Variants in NELL1 observed in about 807,000 individuals in gnomAD.
NELL1 encodes the protein neural EGFL like 1, also known as protein kinase C-binding protein NELL1.
A neutral mutation model predicts 107.4 loss-of-function variants in NELL1; 76 were observed. That is an observed-to-expected ratio of 0.71 (90% CI 0.59 to 0.86). The LOEUF is 0.86. NELL1 is among the 40% of genes least tolerant of loss of function. The probability of loss-of-function intolerance (pLI) is 0.00; values close to 1 mark genes in which losing one functional copy is unlikely to be tolerated. For missense variants in NELL1, 1,024 were observed against 1,005.5 expected (o/e 1.02, Z -0.25); for synonymous variants, 353 against 341.2 (o/e 1.03, Z -0.38).
chr11:20,675,500 G>T (rs1417571183), intron 1 of NELL1, among the ~76,000 whole-genome samples: 4 of 152,172 alleles, frequency 2.6e-5, no homozygotes, highest in Admixed American at 1.3e-4. Context: ...CCTGCCATCT[G>T]TCCAGGCCTG....
chr11:21,222,548 A>G (rs1328884268), intron 13 of NELL1, among the ~76,000 whole-genome samples: 2 of 151,682 alleles, frequency 1.3e-5, no homozygotes, highest in Non-Finnish European at 2.9e-5. Flanking sequence ...TCTGATCTTT[A>G]TTATTTCTTT....
chr11:20,691,926 G>C (rs995717842), intron 2 of NELL1, among the ~76,000 whole-genome samples: 2 of 152,044 alleles, frequency 1.3e-5, no homozygotes, highest in Non-Finnish European at 2.9e-5. Context: ...GACTCTTTTT[G>C]GTTGGTAAGG....
intron 15 of NELL1, among the ~76,000 whole-genome samples, chr11:21,394,125 A>G (rs986681697): frequency 2.0e-5 from 3 of 151,642 alleles, no homozygotes; most frequent in Non-Finnish European, 1.5e-5. Context: ...AGTACTTCAC[A>G]TAAGTTAACT....
chr11:20,680,604 A>C (rs1359245224), intron 2 of NELL1, among the ~76,000 whole-genome samples: 3 of 152,168 alleles, frequency 2.0e-5, no homozygotes, highest in Admixed American at 2.0e-4. Context: ...AATGGAAAGA[A>C]GAAAGGAGTC....
At chr11:20,984,791 G>A (rs1851818996) in intron 12 of NELL1, among the ~76,000 whole-genome samples, 1 of 151,960 alleles carries the variant, frequency 6.6e-6, no homozygotes. Context: ...GCAGAGAGAA[G>A]GGAGTAATTG....
chr11:21,519,713 C>T (rs986147325), intron 15 of NELL1, among the ~76,000 whole-genome samples: 28 of 152,006 alleles, frequency 1.8e-4, no homozygotes, highest in African/African-American at 4.8e-4. Flanking sequence ...AATGTACAGC[C>T]GCTACCACTC....
intron 13 of NELL1, among the ~76,000 whole-genome samples, chr11:21,184,603 C>A (rs534492687): frequency 6.6e-6 from 1 of 151,686 alleles, no homozygotes; most frequent in Non-Finnish European, 1.5e-5. Flanking sequence ...ATGTGTCAGT[C>A]GAAAACAGAC....
intron 12 of NELL1, among the ~76,000 whole-genome samples, chr11:21,042,204 A>T (rs1853252490): frequency 6.6e-6 from 1 of 152,238 alleles, no homozygotes; most frequent in Non-Finnish European, 1.5e-5. Context: ...GCATGGCAGT[A>T]TTCAGTTATA....
chr11:21,166,359 T>C (rs1263805697), intron 13 of NELL1, among the ~76,000 whole-genome samples: 1 of 150,876 alleles, frequency 6.6e-6, no homozygotes, highest in Non-Finnish European at 1.5e-5. Flanking sequence ...AAAAAATAAT[T>C]TACATTTACA....
intron 12 of NELL1, among the ~76,000 whole-genome samples, chr11:21,077,593 A>G (rs1295095260): frequency 6.6e-6 from 1 of 151,912 alleles, no homozygotes; most frequent in Non-Finnish European, 1.5e-5. Flanking sequence ...AAATACAAAA[A>G]TTACCCTGGC....
At chr11:20,769,099 A>C (rs1856591957) in intron 2 of NELL1, 1 of 152,422 alleles carries the variant, frequency 6.6e-6, no homozygotes, top group East Asian at 1.9e-4. Context: ...AAATGAGGAG[A>C]GGGGACAGGA....
chr11:21,401,998 G>A (rs1852107986), intron 15 of NELL1, among the ~76,000 whole-genome samples: 1 of 151,720 alleles, frequency 6.6e-6, no homozygotes, highest in African/African-American at 2.4e-5. Context: ...ATTAAAAACA[G>A]GAAAAGCCGC....
intron 2 of NELL1, among the ~76,000 whole-genome samples, chr11:20,752,310 G>T (rs1024139502): frequency 3.7e-4 from 56 of 152,274 alleles, no homozygotes; most frequent in South Asian, 1.0e-3. Flanking sequence ...AGCAGTTTGG[G>T]AGGCCGAGGC....
At chr11:21,533,905 G>T (rs1211713513) in intron 15 of NELL1, among the ~76,000 whole-genome samples, 1 of 152,094 alleles carries the variant, frequency 6.6e-6, no homozygotes, top group Non-Finnish European at 1.5e-5. Context: ...ATATAATTAT[G>T]ACAAGTCTCT....
chr11:21,125,819 A>T (rs1409974589), intron 13 of NELL1, among the ~76,000 whole-genome samples: 2 of 152,226 alleles, frequency 1.3e-5, no homozygotes, highest in African/African-American at 4.8e-5. Context: ...TGTGAACTGG[A>T]GGTTACCTGT....
At chr11:21,501,154 T>C (rs1290559489) in intron 15 of NELL1, among the ~76,000 whole-genome samples, 2 of 152,178 alleles carry the variant, frequency 1.3e-5, no homozygotes, top group Non-Finnish European at 2.9e-5. Context: ...TGTCTGTATG[T>C]GTGTATGCGC....
chr11:21,365,785 C>G (rs1851205359), intron 14 of NELL1, among the ~76,000 whole-genome samples: 2 of 150,164 alleles, frequency 1.3e-5, no homozygotes, highest in Non-Finnish European at 3.0e-5. Flanking sequence ...CTTATCTTTC[C>G]TCGATATTTT....
At chr11:21,370,109 T>C (rs185717503) in intron 14 of NELL1, among the ~76,000 whole-genome samples, 1 of 152,174 alleles carries the variant, frequency 6.6e-6, no homozygotes, top group African/African-American at 2.4e-5. Flanking sequence ...AGCTATTTTA[T>C]GCTATGCAAG....
chr11:21,475,407 A>G (rs1854303330), intron 15 of NELL1, among the ~76,000 whole-genome samples: 1 of 152,112 alleles, frequency 6.6e-6, no homozygotes, highest in Non-Finnish European at 1.5e-5. Flanking sequence ...CTCCTATAGG[A>G]GGATTAAACA....
Sources: allele counts gnomAD v4.1 joint callset (sites outside exome capture counted in the v4.1 genomes callset), GRCh38; gene constraint gnomAD v4.1.1; transcripts MANE v1.5; gene names NCBI Gene and HGNC (gene_info 2026-07-23, HGNC 2026-07-21).